The following CEP55 variants were observed in gnomAD, a reference collection of about 807,000 sequenced individuals.
The protein encoded by CEP55 is centrosomal protein 55.
Under a neutral mutation model 63.2 loss-of-function variants are expected in CEP55, and 57 were observed. That is an observed-to-expected ratio of 0.90 (90% CI 0.73 to 1.13). The LOEUF (loss-of-function observed/expected upper bound fraction) is 1.13. CEP55 is among the 50% of genes most tolerant of loss of function. The pLI is 0.00. For missense variants in CEP55, 456 were observed against 518.9 expected (o/e 0.88, Z 1.18); for synonymous variants, 178 against 191.6 (o/e 0.93, Z 0.59).
intron 4 of CEP55, among the ~76,000 whole-genome samples, chr10:93,514,805 C>T (rs2057786156): frequency 6.6e-6 from 1 of 152,190 alleles, no homozygotes; most frequent in Non-Finnish European, 1.5e-5. Context: ...CGCAGTTTCA[C>T]TGGAGTTTCC....
chr10:93,525,727 A>G (rs1191499696), intron 8 of CEP55, among the ~76,000 whole-genome samples: 1 of 152,032 alleles, frequency 6.6e-6, no homozygotes, highest in Non-Finnish European at 1.5e-5. Context: ...TGGTACTGGT[A>G]CCAAAACAGA....
intron 1 of CEP55, 93 bp from the exon 2 acceptor site, chr10:93,499,947 T>G: frequency 1.2e-6 from 1 of 829,520 alleles, no homozygotes; most frequent in East Asian, 2.5e-5. Flanking sequence ...ATATATCATT[T>G]CTATTTAGAG....
chr10:93,503,486 G>A lies in CEP55; in HGVS notation c.459+98G>A, dbSNP rs2057656315. On this transcript the variant is annotated intron_variant, in intron 3 of 8. Transcript: ENST00000371485. The stretch of plus-strand genomic sequence containing the variant: ...GTTTGTTAAGACATGCTTCCCAAAT[G>A]ATGAGACAAATGATTAGTATAGTAT... The A allele has an allele frequency of 2.5e-6, 3 of 1,192,350 alleles. No homozygotes were observed. The South Asian group carries it at 4.5e-5, about 18-fold the overall frequency. 73.9% of individuals were successfully genotyped at this position (1,192,350 alleles called of 1,614,324 possible).
intron 4 of CEP55, among the ~76,000 whole-genome samples, chr10:93,510,072 G>C (rs1327267988): frequency 6.6e-6 from 1 of 152,268 alleles, no homozygotes; most frequent in Middle Eastern, 3.4e-3. Context: ...TAAAAGCTAC[G>C]TACAGCTTCT....
intron 8 of CEP55, among the ~76,000 whole-genome samples, chr10:93,521,677 T>A (rs1375849514): frequency 6.6e-6 from 1 of 152,162 alleles, no homozygotes; most frequent in African/African-American, 2.4e-5. Context: ...CCGTGTAGCC[T>A]AACTGGGAGG....
intron 4 of CEP55, among the ~76,000 whole-genome samples, chr10:93,514,865 C>A (rs1234064071): frequency 1.3e-5 from 2 of 152,178 alleles, no homozygotes; most frequent in South Asian, 4.1e-4. Context: ...CTCCACCTCC[C>A]GGGTTCAAGT....
Position 93,527,681 on chromosome 10 carries a change from C to T in CEP55, c.1192-269C>T, listed in dbSNP as rs1258797740. On this transcript the variant is annotated intron_variant, in intron 8 of 8. Transcript: ENST00000371485. ...AGGAGTTTGAGACCAGCCTGGGCAACATAGAATTAATTTTTTGTAGAATTT... is the reference window on the plus strand; with the variant it reads ...AGGAGTTTGAGACCAGCCTGGGCAATATAGAATTAATTTTTTGTAGAATTT... Among the ~76,000 whole-genome samples, 15 of 151,834 alleles carry T rather than the reference C, an allele frequency of 9.9e-5. 1 individual carries two copies. Among genetic ancestry groups the T allele is most frequent in the Admixed American group, 9.9e-4 (15 of 15,220 alleles).
At chr10:93,499,810 G>A (rs1485668009) in intron 1 of CEP55, among the ~76,000 whole-genome samples, 4 of 151,524 alleles carry the variant, frequency 2.6e-5, no homozygotes, top group Non-Finnish European at 4.4e-5. Context: ...GTGAGCCACC[G>A]TACCCAGCCC....
rs1589650305 is a variant in CEP55, at chr10:93,509,289, C to T, written c.528+2233C>T. 4.6e-5 allele frequency among the ~76,000 whole-genome samples: 7 copies of T among 152,004 alleles called. No individual in the cohort carries two copies. In the South Asian group the frequency reaches 1.5e-3, roughly 32 times the overall value. On this transcript the variant is annotated intron_variant, in intron 4 of 8. Transcript: ENST00000371485. ...GCTTGTCTCCTCTGTCTTAGAAAGG[C>T]GTTTATACAAATGGGGTAAAATTTA...
At position 93,529,089 on chromosome 10, in the gene CEP55, T is replaced by C. The variant is rs1454772385; in HGVS notation, c.*936T>C. On this transcript the variant is annotated 3_prime_UTR_variant, in exon 9 of 9. Coordinates refer to ENST00000371485, the MANE Select transcript of CEP55 (RefSeq NM_018131.5). ...GAAAAGAATAAAATTATTTAATGTT[T>C]TAATATGTCTAGTGTATTCGTGTAT... 2.0e-5 allele frequency: 3 copies of C among 152,182 alleles called. No individual in the cohort carries two copies. The highest frequency in any genetic ancestry group is 2.9e-5 in the Non-Finnish European group (2 of 68,044). 9.4% of individuals were successfully genotyped at this position (152,182 alleles called of 1,614,324 possible).
chr10:93,511,432 T>C (rs1331111373), intron 4 of CEP55, among the ~76,000 whole-genome samples: 1 of 152,178 alleles, frequency 6.6e-6, no homozygotes, highest in African/African-American at 2.4e-5. Context: ...CTCCGTGTAT[T>C]GATACTGATA....
chr10:93,497,422 C>G (rs11187468), intron 1 of CEP55, among the ~76,000 whole-genome samples: 72,109 of 151,922 alleles, frequency 0.47, 18,660 homozygotes, highest in South Asian at 0.58. Flanking sequence ...TGCGCCACCA[C>G]GCCCGGTTAA....
At chr10:93,519,879 G>C in intron 8 of CEP55, 72 bp downstream of exon 8, 2 of 1,552,612 alleles carry the variant, frequency 1.3e-6, no homozygotes, top group East Asian at 2.2e-5. Flanking sequence ...TCCGAACTTA[G>C]GAGGATACAG....
In CEP55 at chr10:93,528,265, T is replaced by G. The variant is rs1466184850; in HGVS notation, c.*112T>G. On this transcript the variant is annotated 3_prime_UTR_variant, in exon 9 of 9. Transcript: ENST00000371485. Reference sequence around the variant, plus strand: ...TTTGCATAAAACTGCCTATCTACCTTTGACACTCCAGCATGCTAGTGAATC... The same window carrying G: ...TTTGCATAAAACTGCCTATCTACCTGTGACACTCCAGCATGCTAGTGAATC... The G allele has an allele frequency of 4.8e-6, 4 of 829,738 alleles. No individual in the cohort carries two copies. Among genetic ancestry groups the G allele is most frequent in the Non-Finnish European group, 7.8e-6 (4 of 513,124 alleles). 51.4% of individuals were successfully genotyped at this position (829,738 alleles called of 1,614,324 possible).
intron 4 of CEP55, among the ~76,000 whole-genome samples, chr10:93,510,996 T>G (rs2057742193): frequency 6.7e-6 from 1 of 148,718 alleles, no homozygotes; most frequent in African/African-American, 2.5e-5. Context: ...TGTAGTGCAG[T>G]GGCACGGTCT....
chr10:93,517,757 A>C (rs370643729), intron 6 of CEP55, among the ~76,000 whole-genome samples: 4 of 152,294 alleles, frequency 2.6e-5, no homozygotes, highest in South Asian at 2.1e-4. Context: ...ATAATGTTGG[A>C]GTTACTACGT....
chr10:93,526,614 G>A (rs1001702901), intron 8 of CEP55, among the ~76,000 whole-genome samples: 32 of 152,154 alleles, frequency 2.1e-4, no homozygotes, highest in African/African-American at 7.2e-4. Context: ...AAATCATGCT[G>A]CTATAAAGAC....
intron 3 of CEP55, among the ~76,000 whole-genome samples, chr10:93,504,540 T>A (rs1465640596): frequency 6.6e-6 from 1 of 152,064 alleles, no homozygotes; most frequent in Non-Finnish European, 1.5e-5. Context: ...CTGTTAAGGA[T>A]CTTTCTCTGT....
chr10:93,514,476 G>A (rs1035366679), intron 4 of CEP55, among the ~76,000 whole-genome samples: 2 of 152,200 alleles, frequency 1.3e-5, no homozygotes, highest in Non-Finnish European at 2.9e-5. Flanking sequence ...GAGTGCAGAC[G>A]GTTTATTGGG....
Sources: allele counts gnomAD v4.1 joint callset (sites outside exome capture counted in the v4.1 genomes callset), GRCh38; gene constraint gnomAD v4.1.1; transcripts MANE v1.5; gene names NCBI Gene and HGNC (gene_info 2026-07-23, HGNC 2026-07-21).